GP6: variants seen among roughly 807,000 people sequenced by gnomAD.
The protein encoded by GP6 is glycoprotein VI platelet, also known as platelet glycoprotein VI.
A neutral mutation model predicts 37.3 loss-of-function variants in GP6; 45 were observed. That is an observed-to-expected ratio of 1.21 (90% CI 0.95 to 1.55). The LOEUF (loss-of-function observed/expected upper bound fraction) is 1.55. GP6 is among the 40% of genes most tolerant of loss of function. The probability of loss-of-function intolerance (pLI) is 0.00; values close to 1 mark genes in which losing one functional copy is unlikely to be tolerated. For missense variants in GP6, 813 were observed against 760.2 expected (o/e 1.07, Z -0.82); for synonymous variants, 340 against 316.4 (o/e 1.07, Z -0.79).
intron 1 of GP6, among the ~76,000 whole-genome samples, chr19:55,036,519 C>T (rs1488753806): frequency 6.7e-6 from 1 of 149,838 alleles, no homozygotes; most frequent in African/African-American, 2.5e-5. Context: ...GGCAACATAG[C>T]GGACCCCCGT....
Position 55,014,003 on chromosome 19 carries a change from T to G in GP6, c.*79A>C. ...ACGGTGCATTATCTTATTTTTATGA[T>G]TTTAAAAATGTATACAGAATTGTAC... is the stretch of plus-strand genomic sequence containing the variant. On this transcript the variant is annotated 3_prime_UTR_variant, in exon 8 of 8. Transcript: ENST00000310373. 2.1e-6 allele frequency: 1 copy of G among 486,690 alleles called. No individual in the cohort carries two copies. The highest frequency in any genetic ancestry group is 4.1e-6 in the Non-Finnish European group (1 of 246,254). The allele number at this position is 486,690 out of a possible 1,614,324, so 30.1% of individuals were successfully genotyped here. A position where few individuals can be genotyped will look rare whatever the true frequency, so the allele number is the denominator to read the frequency against.
chr19:55,026,744 G>C (rs947785278), intron 4 of GP6, among the ~76,000 whole-genome samples: 5 of 152,182 alleles, frequency 3.3e-5, no homozygotes, highest in Middle Eastern at 3.4e-3. Flanking sequence ...AAATTGGCCG[G>C]GCATGGTGGC....
At chr19:55,019,925 G>A (rs1026323606) in intron 5 of GP6, among the ~76,000 whole-genome samples, 12 of 151,988 alleles carry the variant, frequency 7.9e-5, no homozygotes, top group Non-Finnish European at 1.8e-4. Flanking sequence ...TGATCCACCC[G>A]CCTCAGCCTC....
rs2073783241 is a variant in GP6, at chr19:55,014,655, C to T, written c.1290G>A (p.Met430Ile). 6.2e-7 allele frequency: 1 copy of T among 1,613,988 alleles called. No homozygotes were observed. The highest frequency in any genetic ancestry group is 1.7e-5 in the Admixed American group (1 of 59,994). ...ATGTGGTCCAGCCAGGGTACCATGT[C>T]ATCCACAGTGTGCAGGGAGGAGGAT... The change falls in exon 8 of 8, where the codon ATG becomes ATA. Residue 430 changes from methionine to isoleucine, a missense_variant. By Grantham distance (10) the Met-to-Ile change is conservative (BLOSUM62 1). Coordinates refer to ENST00000310373, the MANE Select transcript of GP6 (RefSeq NM_001083899.2).
intron 3 of GP6, among the ~76,000 whole-genome samples, chr19:55,028,333 T>C (rs939225833): frequency 2.0e-5 from 3 of 152,230 alleles, no homozygotes; most frequent in South Asian, 2.1e-4. Context: ...TCCAAACTTA[T>C]GATGTATATC....
At chr19:55,031,395 C>T (rs886244817) in intron 3 of GP6, among the ~76,000 whole-genome samples, 1 of 152,148 alleles carries the variant, frequency 6.6e-6, no homozygotes, top group Non-Finnish European at 1.5e-5. Flanking sequence ...ATGACTGCTC[C>T]TATGAACAGC....
chr19:55,018,486 CCA>C (rs2073956989), intron 6 of GP6, among the ~76,000 whole-genome samples, 164 bp downstream of exon 6: 1 of 152,234 alleles, frequency 6.6e-6, no homozygotes, highest in Non-Finnish European at 1.5e-5. Flanking sequence ...CTTCTGAACC[CCA>C]GAGCTCCACT....
intron 1 of GP6, among the ~76,000 whole-genome samples, chr19:55,037,446 TC>T (rs1466316326): frequency 2.0e-5 from 3 of 151,564 alleles, no homozygotes; most frequent in African/African-American, 4.9e-5. Context: ...CAAGCGATTC[TC>T]CTGCCTTAGC....
chr19:55,031,758 CTT>C (rs1028686886), intron 3 of GP6, among the ~76,000 whole-genome samples: 218 of 152,164 alleles, frequency 1.4e-3, no homozygotes, highest in African/African-American at 5.0e-3. Flanking sequence ...ATCTCTCTCT[CTT>C]TTGTATTTTA....
intron 2 of GP6, 53 bp downstream of exon 2, chr19:55,032,453 G>A (rs2074601537): frequency 6.2e-7 from 1 of 1,612,780 alleles, no homozygotes; most frequent in South Asian, 1.1e-5. Context: ...GGACCCCGCT[G>A]CTCCCGCGCT....
At chr19:55,018,753 TA>T in intron 5 of GP6, 42 bp from the exon 6 acceptor site, 2 of 1,320,684 alleles carry the variant, frequency 1.5e-6, no homozygotes, top group Non-Finnish European at 2.2e-6. Flanking sequence ...CGTGGTTCCC[TA>T]TATCCTCTAG....
At position 55,038,258 on chromosome 19, in the gene GP6, G is replaced by C; in HGVS notation, c.-22C>G. 1 of 1,577,314 alleles carries C rather than the reference G, an allele frequency of 6.3e-7. No homozygotes were observed. Among genetic ancestry groups the C allele is most frequent in the South Asian group, 1.2e-5 (1 of 86,518 alleles). On this transcript the variant is annotated 5_prime_UTR_variant, in exon 1 of 8. Transcript: ENST00000310373. ...ACATGGTTCCTCAGCCCTGTCCTGA[G>C]CTCTGTGGCCAGGGAGGGAAGTGGT...
intron 6 of GP6, among the ~76,000 whole-genome samples, chr19:55,016,627 G>C (rs2146709548): frequency 1.3e-5 from 2 of 152,014 alleles, no homozygotes; most frequent in South Asian, 4.2e-4. Flanking sequence ...GCCCGCCTAG[G>C]CCTCCCAAAG....
intron 1 of GP6, among the ~76,000 whole-genome samples, chr19:55,034,941 A>G (rs2074772780): frequency 2.0e-5 from 3 of 151,778 alleles, no homozygotes; most frequent in African/African-American, 7.3e-5. Context: ...CTGCACCCCA[A>G]CGCAAGCTCC....
Position 55,025,249 on chromosome 19 carries a change from C to T in GP6, c.633G>A (p.Arg211=). 1.3e-6 allele frequency: 2 copies of T among 1,548,536 alleles called. No homozygotes were observed. Among genetic ancestry groups the T allele is most frequent in the South Asian group, 2.4e-5 (2 of 84,002 alleles). Residue 211 remains arginine, a synonymous_variant, in exon 5 of 8, where the codon CGG becomes CGA. Transcript: ENST00000310373. ...CCGGGGAAGGTGGTTCTGTTGGTAA[C>T]CGGCTGGGGGTCACAGAGGTTCCTG...
chr19:55,019,263 G>T (rs924829885), intron 5 of GP6, among the ~76,000 whole-genome samples: 5 of 151,748 alleles, frequency 3.3e-5, no homozygotes, highest in African/African-American at 9.7e-5. Context: ...CTGCCATCAC[G>T]CCTGGCCAAC....
intron 5 of GP6, among the ~76,000 whole-genome samples, chr19:55,022,364 A>T (rs1456832398): frequency 6.6e-6 from 1 of 152,150 alleles, no homozygotes; most frequent in Non-Finnish European, 1.5e-5. Flanking sequence ...TATTTTCTGC[A>T]TATGGCTAGC....
rs1371317324 is a variant in GP6, at chr19:55,025,205, C to T, written c.664+13G>A. ...CATACGCTGTGCACCAGAATGGACC[C>T]TGCAGAACCTACCTGCTACCGGGGA... On this transcript the variant is annotated intron_variant, in intron 5 of 7. Coordinates refer to ENST00000310373, the MANE Select transcript of GP6 (RefSeq NM_001083899.2). 1.3e-6 allele frequency: 2 copies of T among 1,498,472 alleles called. No homozygotes were observed. The highest frequency in any genetic ancestry group is 1.8e-6 in the Non-Finnish European group (2 of 1,098,286). 92.8% of individuals were successfully genotyped at this position (1,498,472 alleles called of 1,614,324 possible). A position where few individuals can be genotyped will look rare whatever the true frequency, so the allele number is the denominator to read the frequency against.
At chr19:55,024,180 T>C (rs1202585981) in intron 5 of GP6, among the ~76,000 whole-genome samples, 2 of 152,148 alleles carry the variant, frequency 1.3e-5, no homozygotes, top group African/African-American at 4.8e-5. Context: ...GGGATTCTTC[T>C]GTTCTATCAT....
Sources: allele counts gnomAD v4.1 joint callset (sites outside exome capture counted in the v4.1 genomes callset), GRCh38; gene constraint gnomAD v4.1.1; transcripts MANE v1.5; gene names NCBI Gene and HGNC (gene_info 2026-07-23, HGNC 2026-07-21).